Variants in VRK2 observed in about 807,000 individuals in gnomAD.
VRK2 encodes the protein serine/threonine-protein kinase VRK2.
In VRK2, 60 loss-of-function variants were observed where a neutral mutation model predicts 57.6. That is an observed-to-expected ratio of 1.04 (90% CI 0.85 to 1.29). VRK2 has a LOEUF of 1.29. Ranked by LOEUF, VRK2 falls within the 50% of genes most tolerant of loss-of-function variation. The probability of loss-of-function intolerance (pLI) is 0.00; values close to 1 mark genes in which losing one functional copy is unlikely to be tolerated. For missense variants in VRK2, 705 were observed against 588.1 expected (o/e 1.20, Z -2.06); for synonymous variants, 231 against 199.2 (o/e 1.16, Z -1.35).
intron 1 of VRK2, among the ~76,000 whole-genome samples, chr2:57,930,415 G>A (rs779110371): frequency 2.0e-5 from 3 of 152,072 alleles, no homozygotes; most frequent in Non-Finnish European, 4.4e-5. Flanking sequence ...TTCTCTTTCT[G>A]GGCCACGCAG....
At chr2:58,051,171 A>G (rs933944117) in intron 2 of VRK2, among the ~76,000 whole-genome samples, 2 of 152,142 alleles carry the variant, frequency 1.3e-5, no homozygotes, top group Admixed American at 1.3e-4. Flanking sequence ...TTACCAAAAT[A>G]ATACTGTTTG....
intron 7 of VRK2, among the ~76,000 whole-genome samples, chr2:58,116,165 T>C (rs1291943267): frequency 1.3e-5 from 2 of 152,104 alleles, no homozygotes; most frequent in Non-Finnish European, 2.9e-5. Context: ...GGATGGGATA[T>C]TGGCATTGAG....
At chr2:58,006,571 G>A (rs1673251801) in intron 1 of VRK2, among the ~76,000 whole-genome samples, 1 of 152,154 alleles carries the variant, frequency 6.6e-6, no homozygotes, top group Non-Finnish European at 1.5e-5. Flanking sequence ...CTGTGGAGCA[G>A]ACCTCACAGT....
rs796243098 is a variant in VRK2 at position 57,949,023 on chromosome 2, TA to T, written c.-439+41188del. On this transcript the variant is annotated intron_variant, in intron 1 of 15. Coordinates refer to the VRK2 transcript ENST00000417641. The stretch of plus-strand genomic sequence containing the variant: ...CCTATTGAGAATAGTAGTGGTAGAG[TA>T]AAATTATGAAAGTAAAATTGCAAAA... 5.8e-5 allele frequency among the ~76,000 whole-genome samples: 7 copies of T among 120,290 alleles called. 1 individual carries two copies. Among genetic ancestry groups the T allele is most frequent in the African/African-American group, 2.4e-4 (7 of 28,808 alleles). The allele number at this position is 120,290 out of a possible 152,430, so 78.9% of individuals were successfully genotyped here.
rs147966894 is a variant in VRK2 at position 58,100,524 on chromosome 2, C to T, written c.543+10801C>T. ...TTAACATGCATGTTATTCTTTCCTT[C>T]CTTGTGAGGTTCTGCTGTATATTTT... On this transcript the variant is annotated intron_variant, in intron 7 of 12. Coordinates refer to ENST00000340157, the MANE Select transcript of VRK2 (RefSeq NM_006296.7). 3.4e-3 allele frequency among the ~76,000 whole-genome samples: 516 copies of T among 151,724 alleles called. 7 individuals carry two copies. Among genetic ancestry groups the T allele is most frequent in the African/African-American group, 0.012 (492 of 41,452 alleles).
At chr2:58,146,894 G>T (rs1682237674) in intron 12 of VRK2, among the ~76,000 whole-genome samples, 1 of 151,892 alleles carries the variant, frequency 6.6e-6, no homozygotes, top group Non-Finnish European at 1.5e-5. Flanking sequence ...AGTCATTTGG[G>T]CGGAGAGTGA....
At chr2:58,040,415 T>G (rs1323966883) in intron 3 of VRK2, among the ~76,000 whole-genome samples, 1 of 152,212 alleles carries the variant, frequency 6.6e-6, no homozygotes, top group Non-Finnish European at 1.5e-5. Context: ...TCACTTGTCG[T>G]GTCCACTAGC....
At chr2:57,988,816 G>A (rs534509645) in intron 1 of VRK2, among the ~76,000 whole-genome samples, 5 of 152,080 alleles carry the variant, frequency 3.3e-5, no homozygotes, top group African/African-American at 9.7e-5. Flanking sequence ...AGCATATTGC[G>A]GGAATTCACA....
chr2:58,089,354 T>G (rs1672056201), intron 6 of VRK2, among the ~76,000 whole-genome samples: 1 of 152,222 alleles, frequency 6.6e-6, no homozygotes, highest in South Asian at 2.1e-4. Flanking sequence ...GTTTGGCTAC[T>G]GGGCTATCAG....
chr2:58,036,451 T>A (rs1367587598), intron 3 of VRK2, among the ~76,000 whole-genome samples: 2 of 152,056 alleles, frequency 1.3e-5, no homozygotes, highest in African/African-American at 2.4e-5. Flanking sequence ...TGAATTTTTC[T>A]TTGTTGTAAT....
At chr2:57,917,236 T>C (rs997027730) in intron 1 of VRK2, among the ~76,000 whole-genome samples, 6 of 151,920 alleles carry the variant, frequency 3.9e-5, no homozygotes, top group African/African-American at 1.5e-4. Flanking sequence ...AAGAGAAAGG[T>C]AAAGAAATTA....
At position 58,000,528 on chromosome 2, in the gene VRK2, A is replaced by C. The variant is rs548870814; in HGVS notation, c.-438-25137A>C. On this transcript the variant is annotated intron_variant, in intron 1 of 15. Transcript: ENST00000417641. ...CATTTTAATAAGAGAAAAGACCATC[A>C]TATAGAAAATGACTAAATTATTCTC... is the stretch of plus-strand genomic sequence containing the variant. 5.0e-4 allele frequency among the ~76,000 whole-genome samples: 76 copies of C among 152,338 alleles called. 2 individuals are homozygous for C. The highest frequency in any genetic ancestry group is 1.8e-3 in the African/African-American group (75 of 41,586).
At chr2:58,091,231 A>G (rs1672330059) in intron 7 of VRK2, among the ~76,000 whole-genome samples, 1 of 152,280 alleles carries the variant, frequency 6.6e-6, no homozygotes, top group East Asian at 1.9e-4. Context: ...AAGGATTGTC[A>G]TTCTTGGTTC....
intron 1 of VRK2, among the ~76,000 whole-genome samples, chr2:57,955,424 TA>T (rs1276405188): frequency 6.6e-5 from 10 of 152,012 alleles, no homozygotes; most frequent in Non-Finnish European, 1.0e-4. Context: ...TAGCAAAATA[TA>T]AAAATGAGAG....
At chr2:58,007,226 C>G (rs1179950298) in intron 1 of VRK2, among the ~76,000 whole-genome samples, 1 of 151,130 alleles carries the variant, frequency 6.6e-6, no homozygotes, top group African/African-American at 2.4e-5. Flanking sequence ...CCCTCTCTCT[C>G]TCTCTCTCTC....
intron 1 of VRK2, among the ~76,000 whole-genome samples, chr2:58,016,949 G>C (rs1673602887): frequency 6.6e-6 from 1 of 152,090 alleles, no homozygotes; most frequent in Non-Finnish European, 1.5e-5. Flanking sequence ...TTTGTTTAGG[G>C]GAGTTGACAT....
intron 1 of VRK2, among the ~76,000 whole-genome samples, chr2:57,970,713 T>G (rs1672070408): frequency 1.3e-5 from 2 of 152,038 alleles, no homozygotes; most frequent in South Asian, 2.1e-4. Context: ...TCATTAAAAT[T>G]TATTATAAAG....
At chr2:57,929,787 C>T (rs1670660104) in intron 1 of VRK2, among the ~76,000 whole-genome samples, 1 of 152,092 alleles carries the variant, frequency 6.6e-6, no homozygotes, top group African/African-American at 2.4e-5. Flanking sequence ...ACGAATCCTT[C>T]TAGAATTAGG....
intron 1 of VRK2, among the ~76,000 whole-genome samples, chr2:57,921,961 GT>G (rs1670364228): frequency 6.6e-6 from 1 of 152,028 alleles, no homozygotes; most frequent in Non-Finnish European, 1.5e-5. Flanking sequence ...ATCCTTTTGA[GT>G]CTGATTGTTT....
Sources: allele counts gnomAD v4.1 joint callset (sites outside exome capture counted in the v4.1 genomes callset), GRCh38; gene constraint gnomAD v4.1.1; transcripts MANE v1.5; gene names NCBI Gene and HGNC (gene_info 2026-07-23, HGNC 2026-07-21).